FANCA: variants seen among roughly 807,000 people sequenced by gnomAD.
FANCA encodes the protein FA complementation group A.
FANCA carries 236 observed loss-of-function variants against 194.3 expected under a neutral mutation model. That is an observed-to-expected ratio of 1.21 (90% confidence interval 1.09 to 1.35). FANCA has a LOEUF of 1.35. Ranked by LOEUF, FANCA falls within the 40% of genes most tolerant of loss-of-function variation. The probability of loss-of-function intolerance (pLI) is 0.00; values close to 1 mark genes in which losing one functional copy is unlikely to be tolerated. For missense variants in FANCA, 2,628 were observed against 1,813.9 expected (o/e 1.45, Z -8.15); for synonymous variants, 1,014 against 715.8 (o/e 1.42, Z -6.65).
rs760087031 is a variant in FANCA, at chr16:89,783,002, C to T, written c.1566+5G>A. The T allele has an allele frequency of 1.2e-6, 2 of 1,613,970 alleles. No homozygotes were observed. Among genetic ancestry groups the T allele is most frequent in the South Asian group, 2.2e-5 (2 of 91,084 alleles). ...GTGAGGAGTGGGCATGGAGGGACAG[C>T]TTGCCTTGAGGTCGGCCAGCCGTGT... On this transcript the variant is annotated splice_donor_5th_base_variant and intron_variant, in intron 16 of 42. Transcript: ENST00000389301.
intron 3 of FANCA, among the ~76,000 whole-genome samples, chr16:89,812,403 T>C (rs925264555): frequency 1.3e-5 from 2 of 151,384 alleles, no homozygotes; most frequent in South Asian, 4.2e-4. Context: ...TCCCAGCACT[T>C]TGGGAGGCCG....
rs2143677575 is a variant in FANCA, at chr16:89,810,758, T to C, written c.471A>G (p.Ala157=). 3 of 1,613,752 alleles carry C rather than the reference T, an allele frequency of 1.9e-6. No homozygotes were observed. The highest frequency in any genetic ancestry group is 1.7e-6 in the Non-Finnish European group (2 of 1,179,606). Reference sequence around the variant, plus strand: ...AGGAAAGACGGGAGAACATACTGTGTGCCAATAAATACTGAGCAAACTCTA... The same window carrying C: ...AGGAAAGACGGGAGAACATACTGTGCGCCAATAAATACTGAGCAAACTCTA... ...SLLEFAQYLL[A]HSMFSRLSFC... Residue 157 remains alanine (A), a synonymous_variant, in exon 5 of 43, where the codon GCA becomes GCG. Coordinates refer to ENST00000389301, the MANE Select transcript of FANCA (RefSeq NM_000135.4).
intron 7 of FANCA, among the ~76,000 whole-genome samples, chr16:89,804,529 G>T (rs1013660447): frequency 1.9e-4 from 29 of 151,854 alleles, no homozygotes; most frequent in Admixed American, 1.8e-3. Context: ...TCTCTGACAA[G>T]CCCAACTACT....
intron 14 of FANCA, among the ~76,000 whole-genome samples, chr16:89,790,304 G>C (rs917393219): frequency 2.6e-5 from 4 of 152,092 alleles, no homozygotes; most frequent in African/African-American, 7.2e-5. Context: ...GGAGGCAGGA[G>C]AATTGCTTGA....
intron 30 of FANCA, among the ~76,000 whole-genome samples, chr16:89,752,693 T>C (rs896521906): frequency 5.9e-5 from 9 of 152,162 alleles, no homozygotes; most frequent in Non-Finnish European, 1.2e-4. Context: ...GCTGAGGGGA[T>C]ATACTGAGGT....
intron 15 of FANCA, among the ~76,000 whole-genome samples, chr16:89,784,378 A>C (rs2039824078): frequency 6.7e-6 from 1 of 150,186 alleles, no homozygotes; most frequent in African/African-American, 2.5e-5. Context: ...CAAAAAAAAA[A>C]ACCCAAAAAA....
At position 89,739,755 on chromosome 16, in the gene FANCA, G is replaced by T. The variant is rs866311957; in HGVS notation, c.3935-202C>A. On this transcript the variant is annotated intron_variant, in intron 39 of 42. Coordinates refer to ENST00000389301, the MANE Select transcript of FANCA (RefSeq NM_000135.4). ...GGGGGTCGACCTCTTGCAGGAGGGT[G>T]GGTGTGGTGCAGAGAGAGGCAGTCC... is the stretch of plus-strand genomic sequence containing the variant. 8.1e-6 allele frequency: 12 copies of T among 1,486,578 alleles called. No homozygotes were observed. In the African/African-American group the frequency reaches 1.2e-4, roughly 15 times the overall value. 92.1% of individuals were successfully genotyped at this position (1,486,578 alleles called of 1,614,324 possible). A position where few individuals can be genotyped will look rare whatever the true frequency, so the allele number is the denominator to read the frequency against.
intron 20 of FANCA, among the ~76,000 whole-genome samples, chr16:89,778,050 T>C (rs1474093740): frequency 6.7e-6 from 1 of 150,166 alleles, no homozygotes; most frequent in Non-Finnish European, 1.5e-5. Context: ...TAATCCCAGC[T>C]ACTCAGGAGG....
At chr16:89,746,477 G>A (rs1434935550) in intron 35 of FANCA, 107 bp downstream of exon 35, 2 of 899,750 alleles carry the variant, frequency 2.2e-6, no homozygotes, top group Non-Finnish European at 3.7e-6. Flanking sequence ...CATTTTCCCT[G>A]AGATGGTAAC....
chr16:89,771,839 G>T (rs184011480), intron 22 of FANCA, 25 bp from the exon 23 acceptor site: 8 of 1,612,998 alleles, frequency 5.0e-6, no homozygotes, highest in Admixed American at 1.7e-5. Flanking sequence ...ACTAGTTAGG[G>T]ATGACAAGAA....
intron 31 of FANCA, 37 bp downstream of exon 31, chr16:89,752,100 GA>G (rs1567605600): frequency 1.9e-6 from 3 of 1,561,326 alleles, no homozygotes; most frequent in Non-Finnish European, 2.7e-6. Context: ...CGGCTTAAAT[GA>G]AGTGAATGCA....
intron 17 of FANCA, among the ~76,000 whole-genome samples, chr16:89,780,218 G>A (rs954198951): frequency 2.6e-5 from 4 of 152,194 alleles, no homozygotes; most frequent in Non-Finnish European, 5.9e-5. Flanking sequence ...CTCCTCGAGA[G>A]CTCAGCTCTG....
chr16:89,760,229 G>A (rs542522428), intron 29 of FANCA, among the ~76,000 whole-genome samples: 18 of 152,382 alleles, frequency 1.2e-4, no homozygotes, highest in African/African-American at 4.3e-4. Flanking sequence ...GCCGGGAGGA[G>A]AAACGGGGGT....
Position 89,816,594 on chromosome 16 carries a change from T to C in FANCA, c.22A>G (p.Asn8Asp). The change falls in exon 1 of 43, where the codon AAC (asparagine) becomes GAC (aspartate). Residue 8 changes from asparagine to aspartate, a missense_variant. By Grantham distance (23) the Asn-to-Asp change is conservative. Transcript: ENST00000389301. ...CCTGGGTCCTGGCCCGAGGCGGAGT[T>C]CGGGACCCACGAGTCGGACATGGCC... MSDSWVP[N>D]SASGQDPGGR... The C allele has an allele frequency of 1.3e-6, 2 of 1,527,122 alleles. No individual in the cohort carries two copies. Among genetic ancestry groups the C allele is most frequent in the Non-Finnish European group, 1.7e-6 (2 of 1,145,294 alleles). The allele number at this position is 1,527,122 out of a possible 1,614,324, so 94.6% of individuals were successfully genotyped here.
At chr16:89,738,782 A>C in intron 42 of FANCA, 74 bp from the exon 43 acceptor site, 1 of 1,612,800 alleles carries the variant, frequency 6.2e-7, no homozygotes, top group Non-Finnish European at 8.5e-7. Flanking sequence ...GCTCTGGCAG[A>C]AATAGTCGAG....
intron 1 of FANCA, 123 bp from the exon 2 acceptor site, chr16:89,816,109 G>A (rs760036085): frequency 4.0e-6 from 3 of 757,292 alleles, no homozygotes; most frequent in African/African-American, 1.7e-5. Context: ...AGGGGCCGGG[G>A]CTCCTCCCCA....
chr16:89,748,285 C>T lies in FANCA; in HGVS notation c.3348+374G>A, dbSNP rs55668111. The stretch of plus-strand genomic sequence containing the variant: ...AACTGGGCTGCCTGGCAGGCAACAG[C>T]GGTAGTCAGATCACCACAAGGCTTT... On this transcript the variant is annotated intron_variant, in intron 33 of 42. Coordinates refer to ENST00000389301, the MANE Select transcript of FANCA (RefSeq NM_000135.4). Among the ~76,000 whole-genome samples the T allele has an allele frequency of 4.5e-3, 678 of 151,144 alleles. 3 individuals carry two copies. The highest frequency in any genetic ancestry group is 0.016 in the African/African-American group (643 of 40,698).
chr16:89,744,539 A>G (rs972568463), intron 36 of FANCA: 7 of 304,130 alleles, frequency 2.3e-5, no homozygotes, highest in African/African-American at 1.3e-4. Flanking sequence ...CACGCGGTGC[A>G]CTCTAGGAGC....
At chr16:89,751,789 C>G (rs1444455024) in intron 31 of FANCA, among the ~76,000 whole-genome samples, 1 of 148,360 alleles carries the variant, frequency 6.7e-6, no homozygotes, top group Admixed American at 6.8e-5. Flanking sequence ...TTTTTTGAGA[C>G]GGAGTCTCAC....
Sources: gnomAD v4.1 joint callset for allele counts (sites outside exome capture counted in the v4.1 genomes callset) on GRCh38, gnomAD v4.1.1 for gene constraint, MANE v1.5 for transcripts, NCBI Gene and HGNC (gene_info 2026-07-23, HGNC 2026-07-21) for gene names.